The following GIMAP2 variants were observed in gnomAD, a reference collection of about 807,000 sequenced individuals.
The protein encoded by GIMAP2 is GTPase, IMAP family member 2.
GIMAP2 carries 22 observed loss-of-function variants against 25.5 expected under a neutral mutation model. The ratio of observed to expected loss-of-function variants is 0.86; its 90% CI spans 0.62 to 1.23. GIMAP2 has a LOEUF of 1.23. Ranked by LOEUF, GIMAP2 falls within the 50% of genes most tolerant of loss-of-function variation. GIMAP2 has a pLI of 0.00. For missense variants in GIMAP2, 422 were observed against 395.7 expected, an observed-to-expected ratio of 1.07 and a Z score of -0.56; for synonymous variants, 167 against 143.0, an observed-to-expected ratio of 1.17 and a Z score of -1.20.
intron 1 of GIMAP2, 41 bp downstream of exon 1, chr7:150,685,826 T>G: frequency 2.9e-6 from 2 of 701,048 alleles, no homozygotes; most frequent in Non-Finnish European, 3.5e-6. Context: ...TGTTGATTTC[T>G]AGGTCCCAAG....
chr7:150,686,066 CGCTT>C (rs1373285488), intron 1 of GIMAP2, among the ~76,000 whole-genome samples: 1 of 152,158 alleles, frequency 6.6e-6, no homozygotes, highest in African/African-American at 2.4e-5. Flanking sequence ...TGTGCTTGTA[CGCTT>C]GGTCTATGCC....
rs1796982379 is a variant in GIMAP2, at chr7:150,692,725, C to T, written c.439C>T (p.His147Tyr). 6.2e-7 allele frequency: 1 copy of T among 1,614,164 alleles called. No homozygotes were observed. Among genetic ancestry groups the T allele is most frequent in the Non-Finnish European group, 8.5e-7 (1 of 1,180,006 alleles). ...AMGHTIVLFTHKEDLNGGSLM... is the reference protein window; with the variant it reads ...AMGHTIVLFTYKEDLNGGSLM... ...GGGACACACAATTGTCCTCTTTACC[C>T]ACAAGGAAGACCTCAATGGTGGCTC... The change falls in exon 3 of 3, where the codon CAC (histidine) becomes TAC (tyrosine). Residue 147 changes from histidine to tyrosine, a missense_variant. Transcript: ENST00000223293.
chr7:150,693,182 G>T lies in GIMAP2; in HGVS notation c.896G>T (p.Cys299Phe). Residue 299 changes from cysteine (C) to phenylalanine (F), a missense_variant, in exon 3 of 3, where the codon TGT becomes TTT. Cys to Phe is a radical substitution (Grantham distance 205). Coordinates refer to ENST00000223293, the MANE Select transcript of GIMAP2 (RefSeq NM_015660.3). ...CILHSMCNLF[C>F]CLLFSMCNLF... ...CTGCACAGCATGTGCAATTTGTTTT[G>T]TTGCTTACTCTTTAGTATGTGCAAT... is the stretch of plus-strand genomic sequence containing the variant. 1 of 1,613,144 alleles carries T rather than the reference G, an allele frequency of 6.2e-7. No homozygotes were observed. The highest frequency in any genetic ancestry group is 8.5e-7 in the Non-Finnish European group (1 of 1,179,460).
In GIMAP2 at chr7:150,692,998, GA is replaced by G; in HGVS notation, c.714del (p.Glu238AspfsTer7). 6.2e-7 allele frequency: 1 copy of G among 1,613,960 alleles called. No individual in the cohort carries two copies. Among genetic ancestry groups the G allele is most frequent in the South Asian group, 1.1e-5 (1 of 91,082 alleles). On this transcript the variant is annotated frameshift_variant, in exon 3 of 3. Transcript: ENST00000223293. LOFTEE classifies it high-confidence loss of function. The stretch of plus-strand genomic sequence containing the variant: ...TGTGGGATCAGATGAAAGAGTAAAG[GA>G]ATTCAAACAGAGCCTTATAAAGTAC... ...GPVGSDERVKEFKQSLIKYME... is the reference protein window; with the variant it reads ...GPVGSDERVKXFKQSLIKYME...
Position 150,693,294 on chromosome 7 carries a change from G to GT in GIMAP2, c.1010dup (p.Leu337PhefsTer15), listed in dbSNP as rs1256357870. On this transcript the variant is annotated frameshift_variant, in exon 3 of 3. Coordinates refer to ENST00000223293, the MANE Select transcript of GIMAP2 (RefSeq NM_015660.3). LOFTEE classifies it high-confidence loss of function. ...TTAGACTAGAACGCAAGACTCCTAGGTTATAGTTACAGATCCCAGTTATTA... is the reference window on the plus strand; with the variant it reads ...TTAGACTAGAACGCAAGACTCCTAGGTTTATAGTTACAGATCCCAGTTATTA... 6.5e-7 allele frequency: 1 copy of GT among 1,546,992 alleles called. No individual in the cohort carries two copies. Among genetic ancestry groups the GT allele is most frequent in the Admixed American group, 1.9e-5 (1 of 52,528 alleles).
Position 150,692,957 on chromosome 7 carries a change from G to A in GIMAP2, c.671G>A (p.Arg224Lys), listed in dbSNP as rs1236066849. Residue 224 changes from arginine (R) to lysine (K), a missense_variant, in exon 3 of 3, where the codon AGG becomes AAG. By Grantham distance (26) the Arg-to-Lys change is conservative (BLOSUM62 2). Transcript: ENST00000223293. ...YTNGLYSLIQ[R>K]SKCGPVGSDE... Reference sequence around the variant, plus strand: ...AATGGGTTGTACAGCCTAATACAGAGGTCTAAATGTGGACCTGTGGGATCA... The same window carrying A: ...AATGGGTTGTACAGCCTAATACAGAAGTCTAAATGTGGACCTGTGGGATCA... The A allele has an allele frequency of 6.2e-7, 1 of 1,614,100 alleles. No homozygotes were observed. The highest frequency in any genetic ancestry group is 8.5e-7 in the Non-Finnish European group (1 of 1,179,950).
At chr7:150,690,083 A>G (rs1050525164) in intron 2 of GIMAP2, among the ~76,000 whole-genome samples, 1 of 152,244 alleles carries the variant, frequency 6.6e-6, no homozygotes, top group South Asian at 2.1e-4. Flanking sequence ...TGGAAGAACT[A>G]TAAATACATG....
At chr7:150,689,717 A>G in intron 2 of GIMAP2, 1 of 578,786 alleles carries the variant, frequency 1.7e-6, no homozygotes, top group South Asian at 2.2e-5. Context: ...TCTGGAAGAG[A>G]AAATACTTAA....
chr7:150,692,652 CCAGCA>C lies in GIMAP2; in HGVS notation c.367_371del (p.Gln123GlyfsTer41), dbSNP rs1279180166. The C allele has an allele frequency of 6.2e-7, 1 of 1,614,090 alleles. No individual in the cohort carries two copies. The highest frequency in any genetic ancestry group is 8.5e-7 in the Non-Finnish European group (1 of 1,180,044). Reference sequence around the variant, plus strand: ...AGCTGGGCCGCTATACCTCACAGGACCAGCAGGCTGCACAGAGGGTGAAGGAGATC... The same window carrying C: ...AGCTGGGCCGCTATACCTCACAGGACGGCTGCACAGAGGGTGAAGGAGATC... On this transcript the variant is annotated frameshift_variant, in exon 3 of 3. Transcript: ENST00000223293. LOFTEE classifies it high-confidence loss of function.
At chr7:150,692,181 C>T (rs759004026) in intron 2 of GIMAP2, 134 bp from the exon 3 acceptor site, 49 of 782,504 alleles carry the variant, frequency 6.3e-5, no homozygotes, top group Admixed American at 4.4e-4. Context: ...CCCGAGATCA[C>T]GCCATTGCAC....
chr7:150,692,587 C>T lies in GIMAP2; in HGVS notation c.301C>T (p.Leu101=), dbSNP rs146048659. The change falls in exon 3 of 3, where the codon CTG becomes TTG. Residue 101 remains leucine, a synonymous_variant. Transcript: ENST00000223293. ...LYKEVQRCYL[L]SAPGPHVLLL... is the part of the protein sequence containing the mutation. ...CAAAGAGGTGCAGAGGTGCTACTTG[C>T]TGTCTGCACCAGGACCCCATGTGCT... 5.0e-6 allele frequency: 8 copies of T among 1,613,874 alleles called. No individual in the cohort carries two copies. Among genetic ancestry groups the T allele is most frequent in the Middle Eastern group, 1.6e-4 (1 of 6,084 alleles).
intron 2 of GIMAP2, among the ~76,000 whole-genome samples, chr7:150,688,787 C>T (rs1038254257): frequency 1.3e-5 from 2 of 152,124 alleles, no homozygotes; most frequent in East Asian, 3.9e-4. Context: ...CCATCCCATG[C>T]CCCATTACAG....
Position 150,692,814 on chromosome 7 carries a change from T to C in GIMAP2, c.528T>C (p.Gly176=), listed in dbSNP as rs1245135165. ...TAAGCAAGCTGGTGGCAGCATGTGG[T>C]GGGCGAATCTGTGCCTTTAATAACC... The part of the protein sequence containing the change: ...KALSKLVAAC[G]GRICAFNNRA... Residue 176 remains glycine (G), a synonymous_variant, in exon 3 of 3, where the codon GGT becomes GGC. Transcript: ENST00000223293. The C allele has an allele frequency of 8.7e-6, 14 of 1,614,056 alleles. No homozygotes were observed. Among genetic ancestry groups the C allele is most frequent in the Non-Finnish European group, 1.1e-5 (13 of 1,180,044 alleles).
At chr7:150,689,658 C>T (rs1796944034) in intron 2 of GIMAP2, 1 of 644,100 alleles carries the variant, frequency 1.6e-6, no homozygotes, top group Non-Finnish European at 2.9e-6. Flanking sequence ...CATAATTTCA[C>T]TGGCCTACAG....
chr7:150,691,064 C>T (rs1429767009), intron 2 of GIMAP2, among the ~76,000 whole-genome samples: 1 of 152,192 alleles, frequency 6.6e-6, no homozygotes, highest in Non-Finnish European at 1.5e-5. Flanking sequence ...GATATTCCCT[C>T]CAGAAAGATT....
rs139596569 is a variant in GIMAP2, at chr7:150,693,274, C to T, written c.988C>T (p.Leu330=). 8 of 1,583,956 alleles carry T rather than the reference C, an allele frequency of 5.1e-6. No homozygotes were observed. The Admixed American group carries it at 8.6e-5, about 17-fold the overall frequency. ...LMIFLRTVIR[L]ERKTPRL ...GATATTTTTGAGAACAGTTATTAGA[C>T]TAGAACGCAAGACTCCTAGGTTATA... The change falls in exon 3 of 3, where the codon CTA becomes TTA. Residue 330 remains leucine, a synonymous_variant. Coordinates refer to ENST00000223293, the MANE Select transcript of GIMAP2 (RefSeq NM_015660.3).
At chr7:150,685,930 G>C (rs777856289) in intron 1 of GIMAP2, 145 bp downstream of exon 1, 11 of 159,656 alleles carry the variant, frequency 6.9e-5, no homozygotes, top group Non-Finnish European at 1.2e-4. Context: ...AGTGGAGCCA[G>C]TTTACAGGAA....
chr7:150,687,671 C>T (rs1020643331), intron 2 of GIMAP2, among the ~76,000 whole-genome samples: 1 of 151,884 alleles, frequency 6.6e-6, no homozygotes, highest in African/African-American at 2.4e-5. Flanking sequence ...ACTCCTTCTC[C>T]TACCATTCAG....
At chr7:150,686,296 A>G (rs564436388) in intron 1 of GIMAP2, among the ~76,000 whole-genome samples, 2 of 152,246 alleles carry the variant, frequency 1.3e-5, no homozygotes, top group African/African-American at 4.8e-5. Flanking sequence ...CTCAGCAAAG[A>G]CTCAACATGA....
Sources: allele counts gnomAD v4.1 joint callset (sites outside exome capture counted in the v4.1 genomes callset), GRCh38; gene constraint gnomAD v4.1.1; transcripts MANE v1.5; gene names NCBI Gene and HGNC (gene_info 2026-07-23, HGNC 2026-07-21).